The following CMC1 variants were observed in gnomAD, a reference collection of about 807,000 sequenced individuals.
CMC1 encodes C-X9-C motif containing 1, also known as COX assembly mitochondrial protein homolog.
CMC1 carries 14 observed loss-of-function variants against 14.1 expected under a neutral mutation model. The observed-to-expected ratio is 0.99, with a 90% CI of 0.66 to 1.55. CMC1 has a LOEUF of 1.55. CMC1 is among the 40% of genes most tolerant of loss of function. CMC1 has a pLI of 0.00. For synonymous variants in CMC1, 50 were observed against 38.4 expected, an observed-to-expected ratio of 1.30 and a Z score of -1.12; for missense variants, 127 against 123.8, an observed-to-expected ratio of 1.03 and a Z score of -0.12.
At chr3:28,307,398 G>T (rs1231799963) in intron 2 of CMC1, among the ~76,000 whole-genome samples, 1 of 152,156 alleles carries the variant, frequency 6.6e-6, no homozygotes, top group Non-Finnish European at 1.5e-5. Flanking sequence ...GTGTGGTGCT[G>T]CACACCTGTA....
In CMC1 at chr3:28,263,684, A is replaced by T. The variant is rs1018501625; in HGVS notation, c.109+304A>T. On this transcript the variant is annotated intron_variant, in intron 2 of 3. Coordinates refer to ENST00000466830, the MANE Select transcript of CMC1 (RefSeq NM_182523.2). The stretch of plus-strand genomic sequence containing the variant: ...TTTGGAGAAACAAGTTACTCTTACG[A>T]TTTTTATAGGGGAGGAAGAAACATC... Among the ~76,000 whole-genome samples, 7 of 152,250 alleles carry T rather than the reference A, an allele frequency of 4.6e-5. 1 individual carries two copies. Among genetic ancestry groups the T allele is most frequent in the Admixed American group, 6.5e-5 (1 of 15,272 alleles).
intron 1 of CMC1, among the ~76,000 whole-genome samples, chr3:28,254,927 A>G (rs578102084): frequency 6.6e-6 from 1 of 152,286 alleles, no homozygotes; most frequent in African/African-American, 2.4e-5. Flanking sequence ...ATTTGTGGAG[A>G]TAGTCTCAGT....
At chr3:28,248,324 G>T (rs1377126258) in intron 1 of CMC1, among the ~76,000 whole-genome samples, 1 of 152,148 alleles carries the variant, frequency 6.6e-6, no homozygotes, top group Admixed American at 6.5e-5. Context: ...TAGAAGATTG[G>T]CCACCTCCTC....
chr3:28,292,202 G>C (rs930935373), intron 2 of CMC1, among the ~76,000 whole-genome samples: 1 of 151,896 alleles, frequency 6.6e-6, no homozygotes, highest in African/African-American at 2.4e-5. Context: ...GAAATTTATA[G>C]TATAATACTA....
At chr3:28,306,041 C>G (rs891934869) in intron 2 of CMC1, among the ~76,000 whole-genome samples, 1 of 151,784 alleles carries the variant, frequency 6.6e-6, no homozygotes, top group African/African-American at 2.4e-5. Flanking sequence ...TTCCATTGTT[C>G]TGTGTGCCTA....
At chr3:28,247,008 T>C (rs973532151) in intron 1 of CMC1, among the ~76,000 whole-genome samples, 2 of 152,156 alleles carry the variant, frequency 1.3e-5, no homozygotes, top group African/African-American at 2.4e-5. Context: ...GTATTTTCAA[T>C]CGTTTGTACT....
At chr3:28,282,472 A>T (rs942274001) in intron 2 of CMC1, among the ~76,000 whole-genome samples, 1 of 152,212 alleles carries the variant, frequency 6.6e-6, no homozygotes, top group African/African-American at 2.4e-5. Context: ...GGAGAAATTG[A>T]TTCACCAGAT....
chr3:28,250,217 ATGTGT>A (rs1699064870), intron 1 of CMC1, among the ~76,000 whole-genome samples: 1 of 152,168 alleles, frequency 6.6e-6, no homozygotes, highest in African/African-American at 2.4e-5. Context: ...GTGTGATGTG[ATGTGT>A]TTAAGTCCAG....
At chr3:28,262,566 G>A (rs1699786376) in intron 1 of CMC1, among the ~76,000 whole-genome samples, 1 of 152,000 alleles carries the variant, frequency 6.6e-6, no homozygotes, top group African/African-American at 2.4e-5. Flanking sequence ...CCCACTTTTG[G>A]CATGCGTGTT....
At chr3:28,314,180 C>T (rs1702775268) in intron 2 of CMC1, among the ~76,000 whole-genome samples, 1 of 152,114 alleles carries the variant, frequency 6.6e-6, no homozygotes, top group Non-Finnish European at 1.5e-5. Flanking sequence ...GGATCGTAGT[C>T]TTTGCTTATG....
At chr3:28,286,064 A>G (rs1188028146) in intron 2 of CMC1, among the ~76,000 whole-genome samples, 1 of 152,052 alleles carries the variant, frequency 6.6e-6, no homozygotes, top group East Asian at 1.9e-4. Flanking sequence ...CGCACCTGGC[A>G]GCATTTTCTT....
intron 2 of CMC1, among the ~76,000 whole-genome samples, chr3:28,299,707 G>A (rs1701925795): frequency 6.6e-6 from 1 of 151,840 alleles, no homozygotes; most frequent in Non-Finnish European, 1.5e-5. Context: ...TTAAACCTCT[G>A]CTTTTCAAGT....
At chr3:28,309,941 C>CACA (rs1702549376) in intron 2 of CMC1, among the ~76,000 whole-genome samples, 1 of 132,490 alleles carries the variant, frequency 7.5e-6, no homozygotes, top group African/African-American at 2.9e-5. Flanking sequence ...CTGACGTCCA[C>CACA]CACACACACA....
At chr3:28,286,669 A>AT (rs1403969324) in intron 2 of CMC1, among the ~76,000 whole-genome samples, 1 of 152,200 alleles carries the variant, frequency 6.6e-6, no homozygotes, top group Non-Finnish European at 1.5e-5. Flanking sequence ...TCTTCTTTCC[A>AT]TTTCCTTTTT....
At chr3:28,268,786 A>G (rs1019848825) in intron 2 of CMC1, among the ~76,000 whole-genome samples, 1 of 152,202 alleles carries the variant, frequency 6.6e-6, no homozygotes, top group African/African-American at 2.4e-5. Context: ...GCCTGGTGTT[A>G]TGCCAATGGA....
Position 28,320,430 on chromosome 3 carries a change from CTT to C in CMC1, c.*802_*803del, listed in dbSNP as rs1472337514. 1 of 151,514 alleles carries C rather than the reference CTT, an allele frequency of 6.6e-6. No homozygotes were observed. The highest frequency in any genetic ancestry group is 1.5e-5 in the Non-Finnish European group (1 of 67,650). 9.4% of individuals were successfully genotyped at this position (151,514 alleles called of 1,614,324 possible). A position where few individuals can be genotyped will look rare whatever the true frequency, so the allele number is the denominator to read the frequency against. On this transcript the variant is annotated 3_prime_UTR_variant, in exon 4 of 4. Coordinates refer to ENST00000466830, the MANE Select transcript of CMC1 (RefSeq NM_182523.2). The stretch of plus-strand genomic sequence containing the variant: ...GCAAACTTTTATAACAGCCCGCTCT[CTT>C]GAGAACTAATACCTGTAATAATGGC...
chr3:28,294,220 T>G (rs903528953), intron 2 of CMC1, among the ~76,000 whole-genome samples: 3 of 152,140 alleles, frequency 2.0e-5, no homozygotes, highest in African/African-American at 7.2e-5. Flanking sequence ...GTCAAAAAAA[T>G]TACATAAATG....
At chr3:28,284,077 G>A (rs1454987955) in intron 2 of CMC1, among the ~76,000 whole-genome samples, 2 of 152,154 alleles carry the variant, frequency 1.3e-5, no homozygotes, top group Admixed American at 6.5e-5. Context: ...ACTTTGTGAT[G>A]CATTAGTGTG....
At chr3:28,242,306 T>C (rs969980449) in intron 1 of CMC1, among the ~76,000 whole-genome samples, 5 of 152,236 alleles carry the variant, frequency 3.3e-5, no homozygotes, top group African/African-American at 1.2e-4. Context: ...AAATCTTGAA[T>C]GTTGTTTTAA....
Sources: gnomAD v4.1 joint callset for allele counts (sites outside exome capture counted in the v4.1 genomes callset) on GRCh38, gnomAD v4.1.1 for gene constraint, MANE v1.5 for transcripts, NCBI Gene and HGNC (gene_info 2026-07-23, HGNC 2026-07-21) for gene names.